The following TTLL6 variants were observed in gnomAD, a reference collection of about 807,000 sequenced individuals.
TTLL6 encodes the protein tubulin tyrosine ligase like 6.
In TTLL6, 75 loss-of-function variants were observed where a neutral mutation model predicts 96.4. The observed-to-expected ratio is 0.78, with a 90% CI of 0.65 to 0.94. TTLL6 has a LOEUF of 0.94. Ranked by LOEUF, TTLL6 falls within the 40% of genes least tolerant of loss-of-function variation. TTLL6 has a pLI of 0.00. For missense variants in TTLL6, 1,030 were observed against 1,093.0 expected (o/e 0.94, Z 0.81); for synonymous variants, 411 against 419.4 (o/e 0.98, Z 0.24).
At chr17:48,783,871 TGA>T (rs34930490) in intron 13 of TTLL6, among the ~76,000 whole-genome samples, 6,674 of 152,284 alleles carry the variant, frequency 0.044, 176 homozygotes, top group South Asian at 0.14. Flanking sequence ...AATGGGGGTC[TGA>T]GAGAGTTTTC....
Position 48,769,717 on chromosome 17 carries a change from C to G in TTLL6, c.2410+11G>C, listed in dbSNP as rs1364340767. 1.9e-6 allele frequency: 3 copies of G among 1,612,652 alleles called. No homozygotes were observed. The highest frequency in any genetic ancestry group is 4.5e-5 in the East Asian group (2 of 44,856). ...AGCTCCTGGCACATCCCTGTACACA[C>G]TGGCACTCACGTGACAGGTTATTCA... On this transcript the variant is annotated intron_variant, in intron 14 of 15. Coordinates refer to ENST00000393382, the MANE Select transcript of TTLL6 (RefSeq NM_001130918.3).
In TTLL6 at chr17:48,769,763, T is replaced by C; in HGVS notation, c.2375A>G (p.His792Arg). ...LSGKLSFFPA[H>R]YNPKLGMNNL... ...ATTCATCCCCAGCTTGGGGTTGTAG[T>C]GAGCTGGGAAGAAGGAGAGCTTCCC... is the stretch of plus-strand genomic sequence containing the variant. Residue 792 changes from histidine to arginine, a missense_variant, in exon 14 of 16, where the codon CAC (histidine) becomes CGC (arginine). Transcript: ENST00000393382. The C allele has an allele frequency of 6.2e-7, 1 of 1,614,222 alleles. No homozygotes were observed. The highest frequency in any genetic ancestry group is 8.5e-7 in the Non-Finnish European group (1 of 1,180,042).
At chr17:48,773,912 G>A (rs1301118220) in intron 13 of TTLL6, among the ~76,000 whole-genome samples, 8 of 149,598 alleles carry the variant, frequency 5.3e-5, no homozygotes, top group South Asian at 2.1e-4. Context: ...GAGAAACCCC[G>A]TCTCTACTAA....
At chr17:48,796,484 T>C (rs1212303645) in intron 7 of TTLL6, among the ~76,000 whole-genome samples, 1 of 152,068 alleles carries the variant, frequency 6.6e-6, no homozygotes, top group Non-Finnish European at 1.5e-5. Context: ...GCCGGGGATG[T>C]GGTGCACACC....
chr17:48,780,294 C>T (rs2038961422), intron 13 of TTLL6, among the ~76,000 whole-genome samples: 2 of 152,188 alleles, frequency 1.3e-5, no homozygotes, highest in South Asian at 4.1e-4. Context: ...GATCTGCCCA[C>T]TTCAGCCTCC....
At chr17:48,810,868 A>G (rs1442480164) in intron 1 of TTLL6, among the ~76,000 whole-genome samples, 1 of 133,102 alleles carries the variant, frequency 7.5e-6, no homozygotes, top group East Asian at 3.0e-4. Context: ...ATGTGTGTGT[A>G]TATATATGTA....
At chr17:48,812,563 C>T (rs1235065074) in intron 1 of TTLL6, among the ~76,000 whole-genome samples, 1 of 152,186 alleles carries the variant, frequency 6.6e-6, no homozygotes, top group Non-Finnish European at 1.5e-5. Flanking sequence ...ACTCATTTGA[C>T]TTAATGCAAC....
chr17:48,770,136 C>A, intron 13 of TTLL6, 39 bp from the exon 14 acceptor site: 1 of 1,548,212 alleles, frequency 6.5e-7, no homozygotes, highest in South Asian at 1.2e-5. Context: ...CTGTGGAAAG[C>A]AAAGGGTTCC....
intron 2 of TTLL6, 189 bp downstream of exon 2, chr17:48,804,583 T>C (rs2143461147): frequency 1.5e-6 from 1 of 678,114 alleles, no homozygotes; most frequent in Admixed American, 2.2e-5. Flanking sequence ...ACACACACAA[T>C]CATTTGATTC....
intron 13 of TTLL6, among the ~76,000 whole-genome samples, chr17:48,784,627 T>A (rs552632829): frequency 1.3e-5 from 2 of 152,098 alleles, no homozygotes; most frequent in African/African-American, 4.8e-5. Flanking sequence ...CCTCAAGAAC[T>A]GTGAGAGAAT....
At position 48,794,220 on chromosome 17, in the gene TTLL6, C is replaced by G. The variant is rs554710561; in HGVS notation, c.998+1841G>C. On this transcript the variant is annotated intron_variant, in intron 8 of 15. Coordinates refer to ENST00000393382, the MANE Select transcript of TTLL6 (RefSeq NM_001130918.3). The stretch of plus-strand genomic sequence containing the variant: ...CAACCTCACCTTAGTTCTGCTACCC[C>G]GAGACACCCCTCCATCACAGCCGAG... The G allele has an allele frequency of 1.9e-5, 31 of 1,613,942 alleles. No individual in the cohort carries two copies. The Admixed American group carries it at 5.2e-4, about 27-fold the overall frequency.
Position 48,786,106 on chromosome 17 carries a change from G to T in TTLL6, c.1761+58C>A, listed in dbSNP as rs138499306. On this transcript the variant is annotated intron_variant, in intron 12 of 15. Transcript: ENST00000393382. ...GTGGTCTCCTCAGCACCCCTCCACG[G>T]ATCAGGCCCAGGTGGGGAAGGGTGT... 3,286 of 1,607,096 alleles carry T rather than the reference G, an allele frequency of 2.0e-3. 53 individuals carry two copies. In the African/African-American group the frequency reaches 0.038, roughly 19 times the overall value.
chr17:48,764,545 G>A (rs1341390292), intron 15 of TTLL6, among the ~76,000 whole-genome samples: 2 of 152,118 alleles, frequency 1.3e-5, no homozygotes, highest in African/African-American at 2.4e-5. Context: ...TGTGTGGAAG[G>A]TGTTATTACT....
At chr17:48,801,935 A>G (rs2039423330) in intron 3 of TTLL6, among the ~76,000 whole-genome samples, 1 of 151,722 alleles carries the variant, frequency 6.6e-6, no homozygotes, top group East Asian at 1.9e-4. Context: ...AATCCCAGCT[A>G]CTCAAGAGGC....
intron 15 of TTLL6, among the ~76,000 whole-genome samples, chr17:48,764,569 A>G (rs1483391807): frequency 6.6e-6 from 1 of 152,112 alleles, no homozygotes; most frequent in Non-Finnish European, 1.5e-5. Context: ...ACGCTTTCCA[A>G]AGAAACCCCT....
intron 15 of TTLL6, among the ~76,000 whole-genome samples, chr17:48,767,473 G>T (rs1208911031): frequency 1.7e-5 from 2 of 120,906 alleles, no homozygotes; most frequent in Admixed American, 1.8e-4. Context: ...CAGAATTTCT[G>T]GGAGAAGGCC....
chr17:48,802,568 C>T (rs1356177027), intron 3 of TTLL6, among the ~76,000 whole-genome samples: 3 of 152,186 alleles, frequency 2.0e-5, no homozygotes. Flanking sequence ...GCATTCAATT[C>T]TAATTTAAAA....
In TTLL6 at chr17:48,769,147, C is replaced by T. The variant is rs771848260; in HGVS notation, c.2518G>A (p.Val840Ile). The T allele has an allele frequency of 6.2e-7, 1 of 1,614,044 alleles. No individual in the cohort carries two copies. Among genetic ancestry groups the T allele is most frequent in the Non-Finnish European group, 8.5e-7 (1 of 1,180,034 alleles). ...LLLQSPQSYN[V>I]TLRDLLVIAT... ...ATCACCAGCAGGTCCCTCAGAGTAACATTATAGCTCTGAGGACTCTGCAAG... is the reference window on the plus strand; with the variant it reads ...ATCACCAGCAGGTCCCTCAGAGTAATATTATAGCTCTGAGGACTCTGCAAG... The change falls in exon 15 of 16, where the codon GTT (valine) becomes ATT (isoleucine). Residue 840 changes from valine (V) to isoleucine (I), a missense_variant. Val to Ile is a conservative substitution (Grantham distance 29). Coordinates refer to ENST00000393382, the MANE Select transcript of TTLL6 (RefSeq NM_001130918.3).
intron 9 of TTLL6, 64 bp from the exon 10 acceptor site, chr17:48,790,170 G>T (rs945658180): frequency 8.3e-6 from 13 of 1,569,628 alleles, no homozygotes; most frequent in Non-Finnish European, 1.1e-5. Context: ...GAGTGAGGCC[G>T]AGGTGCCACC....
Sources: allele counts gnomAD v4.1 joint callset (sites outside exome capture counted in the v4.1 genomes callset), GRCh38; gene constraint gnomAD v4.1.1; transcripts MANE v1.5; gene names NCBI Gene and HGNC (gene_info 2026-07-23, HGNC 2026-07-21).